HESX1: variants seen among roughly 807,000 people sequenced by gnomAD.
HESX1 encodes homeobox expressed in ES cells 1.
Under a neutral mutation model 22.5 loss-of-function variants are expected in HESX1, and 11 were observed. The observed-to-expected ratio is 0.49, with a 90% CI of 0.31 to 0.81. The LOEUF is 0.81. Ranked by LOEUF, HESX1 falls within the 30% of genes least tolerant of loss-of-function variation. The probability of loss-of-function intolerance (pLI) is 0.05; values close to 1 mark genes in which losing one functional copy is unlikely to be tolerated. For synonymous variants in HESX1, 74 were observed against 76.5 expected (o/e 0.97, Z 0.17); for missense variants, 201 against 212.6 (o/e 0.95, Z 0.34).
intron 1 of HESX1, among the ~76,000 whole-genome samples, chr3:57,219,928 C>G (rs771419711): frequency 5.9e-5 from 9 of 152,142 alleles, no homozygotes; most frequent in Non-Finnish European, 1.2e-4. Context: ...CCTATGTCCA[C>G]AACGGTATTG....
chr3:57,219,776 C>G (rs2060604473), intron 1 of HESX1, among the ~76,000 whole-genome samples: 1 of 152,038 alleles, frequency 6.6e-6, no homozygotes, highest in African/African-American at 2.4e-5. Context: ...AAATTTTCTC[C>G]CATTCTGTAG....
upstream of HESX1, among the ~76,000 whole-genome samples, chr3:57,203,906 A>T (rs1368861504): frequency 1.3e-5 from 2 of 152,124 alleles, no homozygotes; most frequent in Non-Finnish European, 2.9e-5. Context: ...CCTGACCTCA[A>T]GTGATCTGCC....
At chr3:57,202,095 A>G (rs2060493278), upstream of HESX1, among the ~76,000 whole-genome samples, 1 of 150,152 alleles carries the variant, frequency 6.7e-6, no homozygotes, top group African/African-American at 2.5e-5. Flanking sequence ...ATTTTTTTGT[A>G]TTTTTAGTAG....
intron 1 of HESX1, among the ~76,000 whole-genome samples, chr3:57,218,419 G>A (rs551581103): frequency 1.3e-5 from 2 of 148,984 alleles, no homozygotes; most frequent in South Asian, 4.3e-4. Context: ...ATCCATGTTT[G>A]GAAAGGACAT....
chr3:57,220,388 ATTGAG>A (rs2060609457), intron 1 of HESX1, among the ~76,000 whole-genome samples: 1 of 152,082 alleles, frequency 6.6e-6, no homozygotes, highest in Non-Finnish European at 1.5e-5. Flanking sequence ...CTTGTAAATG[ATTGAG>A]TTTACTTAAG....
chr3:57,201,869 C>CTA (rs199563857), upstream of HESX1, among the ~76,000 whole-genome samples: 7,246 of 140,086 alleles, frequency 0.052, 230 homozygotes, highest in East Asian at 0.11. Flanking sequence ...CTATATCTAT[C>CTA]TATCTATATC....
chr3:57,216,182 ATCACACATTGTCT>A (rs1162572188), intron 1 of HESX1, among the ~76,000 whole-genome samples: 3 of 152,366 alleles, frequency 2.0e-5, no homozygotes, highest in African/African-American at 7.2e-5. Flanking sequence ...CCAGTTCAGA[ATCACACATTGTCT>A]TCAATTGTGT....
At chr3:57,199,325 G>A (rs2060468411) in intron 1 of HESX1, among the ~76,000 whole-genome samples, 1 of 152,252 alleles carries the variant, frequency 6.6e-6, no homozygotes, top group African/African-American at 2.4e-5. Context: ...GGCATTAAAA[G>A]TCCTAGACTC....
chr3:57,207,507 G>A (rs1476792888), intron 1 of HESX1, among the ~76,000 whole-genome samples: 1 of 152,202 alleles, frequency 6.6e-6, no homozygotes, highest in Non-Finnish European at 1.5e-5. Flanking sequence ...TTGGAGCCCT[G>A]TGGATTGTGG....
rs1414648065 is a variant in HESX1, at chr3:57,223,043, T to A, written c.-111+3253A>T. Among the ~76,000 whole-genome samples the A allele has an allele frequency of 1.3e-5, 2 of 152,208 alleles. 1 individual carries two copies. The highest frequency in any genetic ancestry group is 6.3e-3 in the Middle Eastern group (2 of 316). ...AAGATAATTTTTACTGAATGCTTAT[T>A]GCGCTAGGAGCTACTCTAAAAGCTC... On this transcript the variant is annotated intron_variant, in intron 1 of 2. Coordinates refer to the HESX1 transcript ENST00000495160.
intron 1 of HESX1, among the ~76,000 whole-genome samples, chr3:57,212,464 C>A (rs2060560761): frequency 6.8e-6 from 1 of 146,600 alleles, no homozygotes; most frequent in African/African-American, 2.5e-5. Flanking sequence ...GAGGCTGAGG[C>A]AGGAGAATCC....
chr3:57,215,769 A>AAAAC (rs373769231), intron 1 of HESX1, among the ~76,000 whole-genome samples: 3,625 of 152,256 alleles, frequency 0.024, 67 homozygotes, highest in South Asian at 0.04. Flanking sequence ...TCCATCTCAA[A>AAAAC]AAACAAACAA....
chr3:57,217,700 C>T (rs913201364), intron 1 of HESX1, among the ~76,000 whole-genome samples: 2 of 152,248 alleles, frequency 1.3e-5, no homozygotes, highest in African/African-American at 4.8e-5. Flanking sequence ...ATGGGTACTT[C>T]CCTCACCCCT....
intron 1 of HESX1, among the ~76,000 whole-genome samples, chr3:57,211,694 G>T (rs954317442): frequency 6.6e-6 from 1 of 151,860 alleles, no homozygotes; most frequent in African/African-American, 2.4e-5. Flanking sequence ...TTAGCCGGAC[G>T]TAGTGGCAAG....
upstream of HESX1, among the ~76,000 whole-genome samples, chr3:57,202,760 G>A (rs561045633): frequency 4.1e-4 from 62 of 152,312 alleles, 1 homozygote; most frequent in South Asian, 8.9e-3. Flanking sequence ...GAGTGAACAA[G>A]GTGATGGAGA....
chr3:57,201,229 G>A (rs777480075), upstream of HESX1, among the ~76,000 whole-genome samples: 2 of 152,038 alleles, frequency 1.3e-5, no homozygotes, highest in African/African-American at 2.4e-5. Flanking sequence ...AAAGCTCTCG[G>A]GTAAATAAAG....
upstream of HESX1, among the ~76,000 whole-genome samples, chr3:57,201,354 T>C (rs537944690): frequency 6.6e-6 from 1 of 152,214 alleles, no homozygotes; most frequent in Admixed American, 6.5e-5. Flanking sequence ...TTGTATATAG[T>C]GCTGAGATGT....
chr3:57,220,983 T>TA (rs932729326), intron 1 of HESX1, among the ~76,000 whole-genome samples: 6 of 152,124 alleles, frequency 3.9e-5, no homozygotes, highest in Non-Finnish European at 8.8e-5. Flanking sequence ...ACTCTTACAT[T>TA]AGGGGTGACG....
chr3:57,223,350 C>T (rs2060625605), intron 1 of HESX1, among the ~76,000 whole-genome samples: 1 of 152,042 alleles, frequency 6.6e-6, no homozygotes, highest in Non-Finnish European at 1.5e-5. Flanking sequence ...TCAAGGCAAC[C>T]ATAGATAAAC....
Sources: gnomAD v4.1 joint callset for allele counts (sites outside exome capture counted in the v4.1 genomes callset) on GRCh38, gnomAD v4.1.1 for gene constraint, MANE v1.5 for transcripts, NCBI Gene and HGNC (gene_info 2026-07-23, HGNC 2026-07-21) for gene names.